The following NUP107 variants were observed in gnomAD, a reference collection of about 807,000 sequenced individuals.
NUP107 encodes the protein nucleoporin 107.
Under a neutral mutation model 141.0 loss-of-function variants are expected in NUP107, and 101 were observed. That is an observed-to-expected ratio of 0.72 (90% CI 0.61 to 0.84). The LOEUF (loss-of-function observed/expected upper bound fraction) is 0.84. Ranked by LOEUF, NUP107 falls within the 40% of genes least tolerant of loss-of-function variation. The pLI is 0.00. For missense variants in NUP107, 941 were observed against 1,102.7 expected, an observed-to-expected ratio of 0.85 and a Z score of 2.08; for synonymous variants, 319 against 363.9, an observed-to-expected ratio of 0.88 and a Z score of 1.41.
chr12:68,689,029 CAG>C lies in NUP107; in HGVS notation c.79_80del (p.Ser27CysfsTer13), dbSNP rs1875646109. On this transcript the variant is annotated frameshift_variant, in exon 2 of 28. Transcript: ENST00000229179. LOFTEE classifies it high-confidence loss of function. The part of the protein sequence containing the change: ...EAEVTRTARK[Q>X]SAQKRVLLQA... ...AGAGGTGACACGGACTGCACGGAAA[CAG>C]AGTGCTCAGAAAAGAGTTTTACGTA... The C allele has an allele frequency of 1.2e-6, 2 of 1,612,918 alleles. No homozygotes were observed. Among genetic ancestry groups the C allele is most frequent in the Non-Finnish European group, 1.7e-6 (2 of 1,179,256 alleles).
intron 6 of NUP107, among the ~76,000 whole-genome samples, chr12:68,697,382 C>G (rs1876116640): frequency 6.7e-6 from 1 of 148,844 alleles, no homozygotes; most frequent in South Asian, 2.1e-4. Context: ...CATGGTCACA[C>G]CACTGCACTC....
At chr12:68,722,013 A>G (rs931844301) in intron 16 of NUP107, 27 bp downstream of exon 16, 6 of 1,613,014 alleles carry the variant, frequency 3.7e-6, no homozygotes, top group Non-Finnish European at 5.1e-6. Context: ...GTTTTGAGTC[A>G]TGGTGATTTG....
chr12:68,708,492 G>T (rs971167551), intron 8 of NUP107, among the ~76,000 whole-genome samples: 3 of 152,068 alleles, frequency 2.0e-5, no homozygotes, highest in Admixed American at 2.0e-4. Flanking sequence ...AAAGTCAGTT[G>T]TAAGAGCCTT....
chr12:68,697,386 T>G (rs1876116925), intron 6 of NUP107, among the ~76,000 whole-genome samples: 1 of 146,416 alleles, frequency 6.8e-6, no homozygotes, highest in African/African-American at 2.5e-5. Context: ...GTCACACCAC[T>G]GCACTCCAGC....
chr12:68,720,391 G>C (rs1051097976), intron 14 of NUP107, among the ~76,000 whole-genome samples: 4 of 152,090 alleles, frequency 2.6e-5, no homozygotes, highest in Non-Finnish European at 5.9e-5. Context: ...TTTTTAAGAA[G>C]ATCAGCATGG....
chr12:68,715,981 T>G (rs963778801), intron 12 of NUP107, among the ~76,000 whole-genome samples: 16 of 152,208 alleles, frequency 1.1e-4, no homozygotes, highest in African/African-American at 3.6e-4. Context: ...GTCATACTTT[T>G]CTTCCCCATA....
At chr12:68,732,777 T>C in intron 23 of NUP107, 38 bp downstream of exon 23, 1 of 1,319,326 alleles carries the variant, frequency 7.6e-7, no homozygotes, top group Non-Finnish European at 1.1e-6. Context: ...ACTCCTGGGC[T>C]CCATTCTTCT....
intron 18 of NUP107, among the ~76,000 whole-genome samples, chr12:68,726,117 T>A (rs1877553897): frequency 6.6e-6 from 1 of 152,156 alleles, no homozygotes; most frequent in African/African-American, 2.4e-5. Flanking sequence ...GTTATAGACA[T>A]GGGATTGCAG....
At chr12:68,697,491 G>A (rs1184217674) in intron 6 of NUP107, among the ~76,000 whole-genome samples, 1 of 142,352 alleles carries the variant, frequency 7.0e-6, no homozygotes, top group Non-Finnish European at 1.5e-5. Flanking sequence ...GGGGGAGGGA[G>A]AGCATCAGGA....
At chr12:68,726,405 G>A in intron 18 of NUP107, 94 bp from the exon 19 acceptor site, 1 of 752,470 alleles carries the variant, frequency 1.3e-6, no homozygotes, top group Non-Finnish European at 2.3e-6. Flanking sequence ...TGACTTGAAA[G>A]CACTATAGGA....
At chr12:68,703,671 G>T (rs1876444052) in intron 8 of NUP107, among the ~76,000 whole-genome samples, 1 of 151,920 alleles carries the variant, frequency 6.6e-6, no homozygotes, top group Non-Finnish European at 1.5e-5. Context: ...GGCTGGTCTC[G>T]ATCTCCTGAC....
At chr12:68,722,021 T>G (rs1231149412) in intron 16 of NUP107, 35 bp downstream of exon 16, 1 of 1,612,490 alleles carries the variant, frequency 6.2e-7, no homozygotes, top group East Asian at 2.2e-5. Context: ...TCATGGTGAT[T>G]TGTAGCATGC....
rs1878436715 is a variant in NUP107 at position 68,744,370 on chromosome 12, C to A, written c.*1908C>A. 1 of 152,074 alleles carries A rather than the reference C, an allele frequency of 6.6e-6. No homozygotes were observed. Among genetic ancestry groups the A allele is most frequent in the Non-Finnish European group, 1.5e-5 (1 of 68,026 alleles). The allele number at this position is 152,074 out of a possible 1,614,324, so 9.4% of individuals were successfully genotyped here. A position where few individuals can be genotyped will look rare whatever the true frequency, so the allele number is the denominator to read the frequency against. On this transcript the variant is annotated 3_prime_UTR_variant, in exon 28 of 28. Coordinates refer to ENST00000229179, the MANE Select transcript of NUP107 (RefSeq NM_020401.4). ...CTTAATTAGGATGCCCTCAAATGGA[C>A]TTGTTTTTAATTTTTATTTATTTAT...
chr12:68,689,589 C>T lies in NUP107; in HGVS notation c.157C>T (p.Pro53Ser). The T allele has an allele frequency of 6.2e-7, 1 of 1,612,236 alleles. No individual in the cohort carries two copies. Among genetic ancestry groups the T allele is most frequent in the Non-Finnish European group, 8.5e-7 (1 of 1,179,200 alleles). ...TACTACACCAAGAAACCAGGTTATC[C>T]CTCGAACTCCTAGCTCATTTCGACA... Reference protein sequence around the residue: ...GNTTPRNQVIPRTPSSFRQPF... With the variant: ...GNTTPRNQVISRTPSSFRQPF... Residue 53 changes from proline to serine, a missense_variant, in exon 3 of 28, where the codon CCT becomes TCT. Pro to Ser is a moderately conservative substitution (Grantham distance 74). Coordinates refer to ENST00000229179, the MANE Select transcript of NUP107 (RefSeq NM_020401.4).
intron 20 of NUP107, among the ~76,000 whole-genome samples, chr12:68,730,066 G>A (rs1042229267): frequency 6.6e-6 from 1 of 151,586 alleles, no homozygotes; most frequent in Non-Finnish European, 1.5e-5. Flanking sequence ...GGCTCAAACA[G>A]TCTTCTCCCC....
At chr12:68,716,748 G>GCAC (rs1356060416) in intron 12 of NUP107, among the ~76,000 whole-genome samples, 1 of 152,180 alleles carries the variant, frequency 6.6e-6, no homozygotes, top group Non-Finnish European at 1.5e-5. Flanking sequence ...AGGTGAGATA[G>GCAC]TGTGATGTGT....
rs61756065 is a variant in NUP107, at chr12:68,709,259, A to T, written c.751A>T (p.Thr251Ser). The T allele has an allele frequency of 1.9e-3, 3,029 of 1,602,854 alleles. 15 individuals are homozygous for T. Among genetic ancestry groups the T allele is most frequent in the Middle Eastern group, 0.016 (94 of 6,036 alleles). The change falls in exon 9 of 28, where the codon ACA becomes TCA. Residue 251 changes from threonine to serine, a missense_variant. Thr to Ser is a moderately conservative substitution (Grantham distance 58). Coordinates refer to ENST00000229179, the MANE Select transcript of NUP107 (RefSeq NM_020401.4). ...AVTAVNASEK[T>S]VVEALFQRDS... ...ATAGGCTGTTAATGCCAGTGAAAAA[A>T]CAGTTGTGGAAGCGTTATTTCAGAG... is the stretch of plus-strand genomic sequence containing the variant.
intron 4 of NUP107, 116 bp downstream of exon 4, chr12:68,690,862 C>G: frequency 3.0e-6 from 3 of 990,052 alleles, no homozygotes; most frequent in Non-Finnish European, 4.4e-6. Context: ...CTTGGCCTCC[C>G]AGAAGTCAGG....
At chr12:68,719,217 A>G (rs1018310345) in intron 12 of NUP107, 124 bp from the exon 13 acceptor site, 15 of 678,794 alleles carry the variant, frequency 2.2e-5, no homozygotes, top group Non-Finnish European at 3.3e-5. Context: ...GTCTACATCC[A>G]TCCCTTGTAA....
Sources: allele counts gnomAD v4.1 joint callset (sites outside exome capture counted in the v4.1 genomes callset), GRCh38; gene constraint gnomAD v4.1.1; transcripts MANE v1.5; gene names NCBI Gene and HGNC (gene_info 2026-07-23, HGNC 2026-07-21).